Variants in LDLRAD3 observed in about 807,000 individuals in gnomAD.
LDLRAD3 encodes low-density lipoprotein receptor class A domain-containing protein 3.
A neutral mutation model predicts 29.4 loss-of-function variants in LDLRAD3; 20 were observed. The observed-to-expected ratio is 0.68, with a 90% CI of 0.48 to 0.99. LDLRAD3 has a LOEUF of 0.99. Among genes scored for constraint, LDLRAD3 ranks in the 50% least tolerant of loss-of-function variants. The pLI is 0.00. For missense variants in LDLRAD3, 420 were observed against 454.3 expected (o/e 0.92, Z 0.69); for synonymous variants, 157 against 192.7 (o/e 0.81, Z 1.53).
At chr11:36,095,360 A>G (rs540414444) in intron 3 of LDLRAD3, among the ~76,000 whole-genome samples, 1 of 138,800 alleles carries the variant, frequency 7.2e-6, no homozygotes, top group Admixed American at 7.7e-5. Context: ...ATTCTTGCCA[A>G]TGACCTGGTA....
chr11:36,008,142 C>T (rs1368481366), intron 1 of LDLRAD3, among the ~76,000 whole-genome samples: 1 of 152,082 alleles, frequency 6.6e-6, no homozygotes, highest in Non-Finnish European at 1.5e-5. Flanking sequence ...TGGTAGTTAT[C>T]ATTAGGGCCA....
At chr11:36,037,457 G>A (rs1320325301) in intron 2 of LDLRAD3, among the ~76,000 whole-genome samples, 2 of 151,992 alleles carry the variant, frequency 1.3e-5, no homozygotes, top group Non-Finnish European at 2.9e-5. Flanking sequence ...CTGGAGTACA[G>A]GCACCCACCA....
Position 36,073,617 on chromosome 11 carries a change from G to T in LDLRAD3, c.194-8036G>T, listed in dbSNP as rs887075330. On this transcript the variant is annotated intron_variant, in intron 2 of 5. Transcript: ENST00000315571. ...CTCTGCCCCTGCCAGGCACTCGGCT[G>T]GTTGCCTGTGATCTGCTTTGCAGGC... Among the ~76,000 whole-genome samples the T allele has an allele frequency of 6.6e-5, 10 of 152,230 alleles. No homozygotes were observed. The East Asian group carries it at 1.9e-3, about 29-fold the overall frequency.
intron 2 of LDLRAD3, among the ~76,000 whole-genome samples, chr11:36,051,741 G>A (rs74234094): frequency 6.6e-6 from 1 of 151,496 alleles, no homozygotes; most frequent in African/African-American, 2.4e-5. Flanking sequence ...GGCTCAGCAT[G>A]GTGCTGCCAA....
chr11:35,981,180 G>A (rs1851536705), intron 1 of LDLRAD3, among the ~76,000 whole-genome samples: 1 of 147,202 alleles, frequency 6.8e-6, no homozygotes, highest in African/African-American at 2.5e-5. Flanking sequence ...CATACTTTTG[G>A]GAAACGTGAG....
chr11:36,163,888 A>C (rs61879009), intron 4 of LDLRAD3, among the ~76,000 whole-genome samples: 1 of 152,172 alleles, frequency 6.6e-6, no homozygotes, highest in Non-Finnish European at 1.5e-5. Flanking sequence ...GGTTTAGAGC[A>C]CTGAATGAGC....
chr11:36,032,716 A>G (rs564113060), intron 1 of LDLRAD3, among the ~76,000 whole-genome samples: 1 of 152,200 alleles, frequency 6.6e-6, no homozygotes, highest in Non-Finnish European at 1.5e-5. Context: ...CAGGGGGGCA[A>G]AATTGATCCC....
intron 4 of LDLRAD3, among the ~76,000 whole-genome samples, chr11:36,138,743 G>T (rs891351337): frequency 6.6e-6 from 1 of 152,208 alleles, no homozygotes; most frequent in Non-Finnish European, 1.5e-5. Flanking sequence ...GTGATGCTTG[G>T]GGGGTTTGAG....
intron 4 of LDLRAD3, among the ~76,000 whole-genome samples, chr11:36,099,113 C>T (rs535236970): frequency 2.4e-4 from 36 of 152,082 alleles, no homozygotes; most frequent in African/African-American, 8.7e-4. Flanking sequence ...TTGTTTACTG[C>T]TTTGTTTCCT....
chr11:36,051,259 A>T (rs544277730), intron 2 of LDLRAD3, among the ~76,000 whole-genome samples: 1 of 152,306 alleles, frequency 6.6e-6, no homozygotes, highest in South Asian at 2.1e-4. Flanking sequence ...CACCTAGAGA[A>T]GTATGTGGTG....
At chr11:36,030,188 C>G (rs1431717193) in intron 1 of LDLRAD3, among the ~76,000 whole-genome samples, 1 of 152,210 alleles carries the variant, frequency 6.6e-6, no homozygotes, top group Non-Finnish European at 1.5e-5. Flanking sequence ...TCGCCCCAAA[C>G]TCAGACAGCC....
chr11:36,205,835 T>C (rs1247470939), intron 4 of LDLRAD3, among the ~76,000 whole-genome samples: 1 of 152,208 alleles, frequency 6.6e-6, no homozygotes, highest in Non-Finnish European at 1.5e-5. Flanking sequence ...AATGATAGGG[T>C]GGCCAGCAAA....
At chr11:36,106,290 A>G (rs573151529) in intron 4 of LDLRAD3, among the ~76,000 whole-genome samples, 2 of 152,310 alleles carry the variant, frequency 1.3e-5, no homozygotes, top group East Asian at 3.9e-4. Flanking sequence ...ACCTGGAGTC[A>G]GTGGAGTCAG....
At chr11:36,033,319 G>A (rs1361618380) in intron 1 of LDLRAD3, among the ~76,000 whole-genome samples, 1 of 152,214 alleles carries the variant, frequency 6.6e-6, no homozygotes, top group Admixed American at 6.5e-5. Context: ...TGGTCCTGCT[G>A]AGAAAGCACT....
intron 2 of LDLRAD3, among the ~76,000 whole-genome samples, chr11:36,077,486 C>A (rs1250524534): frequency 6.6e-6 from 1 of 152,228 alleles, no homozygotes; most frequent in African/African-American, 2.4e-5. Flanking sequence ...GATCCCATAC[C>A]TGCCAAGGGC....
chr11:36,160,288 A>G (rs2133337246), intron 4 of LDLRAD3, among the ~76,000 whole-genome samples: 1 of 152,238 alleles, frequency 6.6e-6, no homozygotes, highest in African/African-American at 2.4e-5. Context: ...GCCTCGAGGG[A>G]CGTGGCCCAG....
chr11:36,096,430 T>G (rs1275440279), intron 3 of LDLRAD3, among the ~76,000 whole-genome samples: 1 of 152,196 alleles, frequency 6.6e-6, no homozygotes, highest in Non-Finnish European at 1.5e-5. Context: ...GTTCTGGTGC[T>G]GTACCCACCA....
intron 2 of LDLRAD3, among the ~76,000 whole-genome samples, chr11:36,067,123 A>G (rs1182702710): frequency 6.6e-6 from 1 of 151,906 alleles, no homozygotes; most frequent in African/African-American, 2.4e-5. Context: ...AATCTTTCAT[A>G]CCCAACTAAA....
chr11:36,082,075 G>A (rs1306179087), intron 3 of LDLRAD3, among the ~76,000 whole-genome samples: 1 of 152,224 alleles, frequency 6.6e-6, no homozygotes, highest in East Asian at 1.9e-4. Context: ...TTTCAAGTTA[G>A]AGAAGTACAT....
Sources: gnomAD v4.1 joint callset for allele counts (sites outside exome capture counted in the v4.1 genomes callset) on GRCh38, gnomAD v4.1.1 for gene constraint, MANE v1.5 for transcripts, NCBI Gene and HGNC (gene_info 2026-07-23, HGNC 2026-07-21) for gene names.